ARHGAP29: variants seen among roughly 807,000 people sequenced by gnomAD.
The protein encoded by ARHGAP29 is rho GTPase-activating protein 29.
ARHGAP29 carries 43 observed loss-of-function variants against 122.6 expected under a neutral mutation model. The ratio of observed to expected loss-of-function variants is 0.35; its 90% confidence interval spans 0.27 to 0.45. The LOEUF (loss-of-function observed/expected upper bound fraction) is 0.45. Ranked by LOEUF, ARHGAP29 falls within the 20% of genes least tolerant of loss-of-function variation. ARHGAP29 has a pLI of 1.00. For synonymous variants in ARHGAP29, 506 were observed against 497.1 expected (o/e 1.02, Z -0.24); for missense variants, 1,303 against 1,477.2 (o/e 0.88, Z 1.93).
intron 17 of ARHGAP29, 21 bp from the exon 18 acceptor site, chr1:94,185,081 G>C (rs1229815770): frequency 8.8e-6 from 14 of 1,593,652 alleles, no homozygotes; most frequent in Non-Finnish European, 1.0e-5. Flanking sequence ...ATGATAGTTT[G>C]AAACTGGTTA....
intron 2 of ARHGAP29, among the ~76,000 whole-genome samples, chr1:94,230,891 A>C (rs1652884362): frequency 1.3e-5 from 2 of 151,834 alleles, no homozygotes; most frequent in Non-Finnish European, 3.0e-5. Flanking sequence ...ACTAGACAGA[A>C]TTCTGTGATT....
chr1:94,203,613 A>G (rs1650999701), intron 8 of ARHGAP29, among the ~76,000 whole-genome samples: 1 of 152,110 alleles, frequency 6.6e-6, no homozygotes, highest in South Asian at 2.1e-4. Flanking sequence ...GGGCACCTAT[A>G]GTCCCAGGTC....
At chr1:94,197,825 A>G (rs1485899528) in intron 12 of ARHGAP29, among the ~76,000 whole-genome samples, 5 of 152,156 alleles carry the variant, frequency 3.3e-5, no homozygotes, top group Non-Finnish European at 7.4e-5. Context: ...TCAGCAAACT[A>G]GAAAAAAGAA....
upstream of ARHGAP29, among the ~76,000 whole-genome samples, chr1:94,241,396 A>G (rs1486359527): frequency 6.6e-6 from 1 of 152,026 alleles, no homozygotes; most frequent in African/African-American, 2.4e-5. Flanking sequence ...CGGGCGGATC[A>G]CCTGAGGTCA....
rs1649244653 is a variant in ARHGAP29, at chr1:94,178,363, A to T, written c.2481-196T>A. On this transcript the variant is annotated intron_variant, in intron 20 of 22. Transcript: ENST00000260526. ...AAATAGAGTTTCACAGTTTCACAGT[A>T]TTGGAATAAATTTCAAGTTAAGTAG... 3.3e-5 allele frequency among the ~76,000 whole-genome samples: 5 copies of T among 152,334 alleles called. 1 individual carries two copies. Among genetic ancestry groups the T allele is most frequent in the African/African-American group, 1.2e-4 (5 of 41,560 alleles).
intron 12 of ARHGAP29, chr1:94,193,500 T>TA (rs1650255084): frequency 6.6e-6 from 1 of 151,982 alleles, no homozygotes; most frequent in African/African-American, 2.4e-5. Flanking sequence ...AGATACGTCT[T>TA]AAACAGATAA....
chr1:94,229,703 C>T (rs949773022), intron 2 of ARHGAP29, among the ~76,000 whole-genome samples: 3 of 151,494 alleles, frequency 2.0e-5, no homozygotes, highest in East Asian at 3.9e-4. Flanking sequence ...ATCCCTTTAC[C>T]TCAGGGGGTA....
At chr1:94,249,664 T>A (rs1056552786) in intron 1 of ARHGAP29, 4 of 151,960 alleles carry the variant, frequency 2.6e-5, no homozygotes, top group African/African-American at 9.7e-5. Context: ...GGCAAGAGAA[T>A]CGCTTGAACC....
chr1:94,181,124 A>C (rs140209592), intron 19 of ARHGAP29, among the ~76,000 whole-genome samples: 315 of 152,338 alleles, frequency 2.1e-3, no homozygotes, highest in African/African-American at 7.4e-3. Flanking sequence ...TCATAAGCTG[A>C]AGAGTTGAAG....
Position 94,201,796 on chromosome 1 carries a change from T to A in ARHGAP29, c.1205A>T (p.Asp402Val). 1 of 1,613,850 alleles carries A rather than the reference T, an allele frequency of 6.2e-7. No homozygotes were observed. Among genetic ancestry groups the A allele is most frequent in the Middle Eastern group, 1.7e-4 (1 of 6,058 alleles). Residue 402 changes from aspartate to valine, a missense_variant, in exon 12 of 23, where the codon GAT becomes GTT. Coordinates refer to ENST00000260526, the MANE Select transcript of ARHGAP29 (RefSeq NM_004815.4). ...CVTNVEERRN[D>V]LENTKREILA... is the part of the protein sequence containing the mutation. ...AATTTCTCTTTTGGTATTTTCTAGATCATTTCTTCTTTCTTCAACATTTGT... is the reference window on the plus strand; with the variant it reads ...AATTTCTCTTTTGGTATTTTCTAGAACATTTCTTCTTTCTTCAACATTTGT...
chr1:94,305,570 T>A, the ARHGAP29 span, among the ~76,000 whole-genome samples: 1 of 152,292 alleles, frequency 6.6e-6, no homozygotes, highest in Non-Finnish European at 1.5e-5. Context: ...TTTTGAAGGA[T>A]GAACAAGACT....
chr1:94,255,731 A>T (rs567130172), intron 1 of ARHGAP29, among the ~76,000 whole-genome samples: 101 of 152,340 alleles, frequency 6.6e-4, no homozygotes, highest in African/African-American at 2.4e-3. Flanking sequence ...GTGTTCTGTA[A>T]GTAAAGAATT....
At chr1:94,180,093 G>T in intron 19 of ARHGAP29, 136 bp from the exon 20 acceptor site, 1 of 625,522 alleles carries the variant, frequency 1.6e-6, no homozygotes, top group Non-Finnish European at 2.7e-6. Flanking sequence ...ATTTAGTAAT[G>T]TAAATGTTTG....
At chr1:94,261,464 G>A (rs1393768791) in intron 1 of ARHGAP29, among the ~76,000 whole-genome samples, 1 of 152,202 alleles carries the variant, frequency 6.6e-6, no homozygotes, top group South Asian at 2.1e-4. Flanking sequence ...TAGAAGTAAG[G>A]TTAAGATTTG....
chr1:94,266,459 T>C (rs1330711934), intron 1 of ARHGAP29, among the ~76,000 whole-genome samples: 1 of 152,174 alleles, frequency 6.6e-6, no homozygotes, highest in African/African-American at 2.4e-5. Flanking sequence ...TAGGGACTAA[T>C]TTTTTCTGAA....
chr1:94,217,767 T>G (rs1356841020), intron 3 of ARHGAP29, among the ~76,000 whole-genome samples: 1 of 152,010 alleles, frequency 6.6e-6, no homozygotes, highest in Non-Finnish European at 1.5e-5. Flanking sequence ...GAGGATTGCT[T>G]GCGTTCCGGA....
chr1:94,286,964 A>T, the ARHGAP29 span, among the ~76,000 whole-genome samples: 1 of 152,120 alleles, frequency 6.6e-6, no homozygotes, highest in African/African-American at 2.4e-5. Context: ...GCATTACGAC[A>T]CTATCAACCT....
chr1:94,257,185 T>C (rs1654391632), intron 1 of ARHGAP29, among the ~76,000 whole-genome samples: 1 of 150,648 alleles, frequency 6.6e-6, no homozygotes, highest in Non-Finnish European at 1.5e-5. Flanking sequence ...AGGCAAATCA[T>C]GAGGGCAGGA....
In ARHGAP29 at chr1:94,173,288, G is replaced by A. The variant is rs1163048014; in HGVS notation, c.*581C>T. The A allele has an allele frequency of 6.6e-6, 1 of 152,580 alleles. No individual in the cohort carries two copies. The highest frequency in any genetic ancestry group is 2.4e-5 in the African/African-American group (1 of 41,432). 9.5% of individuals were successfully genotyped at this position (152,580 alleles called of 1,614,324 possible). A position where few individuals can be genotyped will look rare whatever the true frequency, so the allele number is the denominator to read the frequency against. ...AATGCAATTAAATACAGATTTGCAAGCCTTCTGGCCATTATGTAAACATTT... is the reference window on the plus strand; with the variant it reads ...AATGCAATTAAATACAGATTTGCAAACCTTCTGGCCATTATGTAAACATTT... On this transcript the variant is annotated 3_prime_UTR_variant, in exon 23 of 23. Coordinates refer to ENST00000260526, the MANE Select transcript of ARHGAP29 (RefSeq NM_004815.4).
Sources: allele counts gnomAD v4.1 joint callset (sites outside exome capture counted in the v4.1 genomes callset), GRCh38; gene constraint gnomAD v4.1.1; transcripts MANE v1.5; gene names NCBI Gene and HGNC (gene_info 2026-07-23, HGNC 2026-07-21).